The following FER variants were observed in gnomAD, a reference collection of about 807,000 sequenced individuals.
FER encodes FER tyrosine kinase.
Under a neutral mutation model 111.0 loss-of-function variants are expected in FER, and 63 were observed. That is an observed-to-expected ratio of 0.57 (90% CI 0.46 to 0.70). The LOEUF (loss-of-function observed/expected upper bound fraction) is 0.70. Among genes scored for constraint, FER ranks in the 30% least tolerant of loss-of-function variants. The pLI is 0.00. For missense variants in FER, 914 were observed against 954.0 expected (o/e 0.96, Z 0.55); for synonymous variants, 327 against 313.9 (o/e 1.04, Z -0.44).
At chr5:108,928,099 A>T (rs1311747711) in intron 10 of FER, among the ~76,000 whole-genome samples, 1 of 152,266 alleles carries the variant, frequency 6.6e-6, no homozygotes, top group East Asian at 1.9e-4. Context: ...AATATGGCTT[A>T]GCACAGTACC....
chr5:108,792,491 C>G (rs1357580882), intron 2 of FER, among the ~76,000 whole-genome samples: 2 of 151,994 alleles, frequency 1.3e-5, no homozygotes, highest in Non-Finnish European at 2.9e-5. Context: ...GCATGCGCCA[C>G]CACGCACGGC....
At chr5:108,892,186 T>C (rs1195650690) in intron 9 of FER, among the ~76,000 whole-genome samples, 1 of 152,194 alleles carries the variant, frequency 6.6e-6, no homozygotes, top group Admixed American at 6.5e-5. Context: ...TACCCAGTAA[T>C]GGGATGGCTG....
At chr5:108,988,135 T>C (rs576322845) in intron 13 of FER, among the ~76,000 whole-genome samples, 1 of 152,304 alleles carries the variant, frequency 6.6e-6, no homozygotes, top group South Asian at 2.1e-4. Context: ...ATCCCTGGTA[T>C]GAAACCCACT....
At chr5:108,809,365 T>G (rs1353740269) in intron 3 of FER, among the ~76,000 whole-genome samples, 1 of 152,234 alleles carries the variant, frequency 6.6e-6, no homozygotes, top group Admixed American at 6.5e-5. Flanking sequence ...AAGTTTCCTC[T>G]GAAGCTTTCA....
intron 13 of FER, among the ~76,000 whole-genome samples, chr5:109,024,199 A>G (rs565800161): frequency 6.6e-6 from 1 of 152,270 alleles, no homozygotes; most frequent in African/African-American, 2.4e-5. Flanking sequence ...GCTGTAGATC[A>G]TTGTAGTTTC....
At chr5:108,957,629 A>G (rs1379632181) in intron 12 of FER, among the ~76,000 whole-genome samples, 1 of 151,620 alleles carries the variant, frequency 6.6e-6, no homozygotes, top group East Asian at 1.9e-4. Flanking sequence ...ATAAATCAGT[A>G]TACCAAAGGG....
At position 108,867,754 on chromosome 5, in the gene FER, T is replaced by G. The variant is rs780988536; in HGVS notation, c.482-13T>G. The G allele has an allele frequency of 5.0e-6, 8 of 1,590,880 alleles. No homozygotes were observed. The East Asian group carries it at 1.8e-4, about 36-fold the overall frequency. ...TCTCTTTACTAACTTTCTTCAGTTT[T>G]TTTTTTTTTCAGGGAAGGAAACTGA... On this transcript the variant is annotated splice_polypyrimidine_tract_variant and intron_variant, in intron 5 of 19. Transcript: ENST00000281092.
chr5:109,036,256 T>G (rs1218397837), intron 13 of FER, among the ~76,000 whole-genome samples: 4 of 152,126 alleles, frequency 2.6e-5, no homozygotes, highest in Non-Finnish European at 5.9e-5. Context: ...TCCTAAGTTT[T>G]CTTCCAGGAT....
intron 13 of FER, among the ~76,000 whole-genome samples, chr5:109,015,351 T>C (rs1766934093): frequency 6.6e-6 from 1 of 152,100 alleles, no homozygotes; most frequent in Admixed American, 6.6e-5. Flanking sequence ...AATTGACTTT[T>C]AGATAAATTA....
At chr5:108,884,185 AT>A (rs778321154) in intron 9 of FER, among the ~76,000 whole-genome samples, 1 of 151,954 alleles carries the variant, frequency 6.6e-6, no homozygotes, top group Non-Finnish European at 1.5e-5. Context: ...GACCTCACAT[AT>A]TTCTTGCTAT....
rs1326100074 is a variant in FER, at chr5:109,147,796, TATATAGAGAG to T, written c.2049-32949_2049-32940del. Among the ~76,000 whole-genome samples, 313 of 118,034 alleles carry T rather than the reference TATATAGAGAG, an allele frequency of 2.7e-3. 2 individuals carry two copies. Among genetic ancestry groups the T allele is most frequent in the African/African-American group, 8.9e-3 (280 of 31,620 alleles). 77.4% of individuals were successfully genotyped at this position (118,034 alleles called of 152,430 possible). A position where few individuals can be genotyped will look rare whatever the true frequency, so the allele number is the denominator to read the frequency against. ...ACACACATACATATATATATATATATATATAGAGAGAGAGAGAGAGAGAGAGAGAGACAGA... is the reference window on the plus strand; with the variant it reads ...ACACACATACATATATATATATATATAGAGAGAGAGAGAGAGAGAGACAGA... On this transcript the variant is annotated intron_variant, in intron 17 of 19. Coordinates refer to ENST00000281092, the MANE Select transcript of FER (RefSeq NM_005246.4).
At chr5:108,778,315 C>A (rs1195333341) in intron 2 of FER, among the ~76,000 whole-genome samples, 1 of 152,118 alleles carries the variant, frequency 6.6e-6, no homozygotes, top group Non-Finnish European at 1.5e-5. Flanking sequence ...CTTTCCATAC[C>A]AAGGACTTAC....
intron 17 of FER, among the ~76,000 whole-genome samples, chr5:109,165,087 T>A (rs994104538): frequency 1.3e-5 from 2 of 152,206 alleles, no homozygotes; most frequent in Non-Finnish European, 2.9e-5. Flanking sequence ...AAAAGTTCCA[T>A]GAGGACATGA....
At chr5:108,797,387 A>G (rs1756150095) in intron 2 of FER, among the ~76,000 whole-genome samples, 1 of 152,002 alleles carries the variant, frequency 6.6e-6, no homozygotes. Flanking sequence ...ATGTCTCTCT[A>G]GGTTGCTGAA....
chr5:109,092,304 A>AAAAAT (rs1561884064), intron 16 of FER, among the ~76,000 whole-genome samples: 28 of 148,356 alleles, frequency 1.9e-4, no homozygotes, highest in Non-Finnish European at 3.5e-4. Flanking sequence ...AAAAAAAAAA[A>AAAAAT]AAAAAAACAT....
chr5:108,834,322 A>G (rs1760372432), intron 4 of FER, among the ~76,000 whole-genome samples: 1 of 152,138 alleles, frequency 6.6e-6, no homozygotes, highest in Admixed American at 6.6e-5. Context: ...TTATATCAGG[A>G]GGTATATAAT....
At chr5:108,942,985 G>A (rs1006954565) in intron 10 of FER, among the ~76,000 whole-genome samples, 1 of 152,040 alleles carries the variant, frequency 6.6e-6, no homozygotes, top group African/African-American at 2.4e-5. Flanking sequence ...CACTTTCATT[G>A]TTCTGTCCAA....
At chr5:109,019,666 G>T (rs1767669358) in intron 13 of FER, among the ~76,000 whole-genome samples, 1 of 151,672 alleles carries the variant, frequency 6.6e-6, no homozygotes, top group South Asian at 2.1e-4. Context: ...TTCTGATGCA[G>T]GCTAAAGTTT....
chr5:108,794,530 C>G (rs528071591), intron 2 of FER, among the ~76,000 whole-genome samples: 6 of 128,068 alleles, frequency 4.7e-5, no homozygotes, highest in Non-Finnish European at 8.5e-5. Flanking sequence ...CTCCGCACCC[C>G]CCCCCCTCCC....
Sources: allele counts gnomAD v4.1 joint callset (sites outside exome capture counted in the v4.1 genomes callset), GRCh38; gene constraint gnomAD v4.1.1; transcripts MANE v1.5; gene names NCBI Gene and HGNC (gene_info 2026-07-23, HGNC 2026-07-21).